The following SMC3 variants were observed in gnomAD, a reference collection of about 807,000 sequenced individuals.
SMC3 encodes structural maintenance of chromosomes protein 3.
SMC3 carries 20 observed loss-of-function variants against 171.8 expected under a neutral mutation model. The ratio of observed to expected loss-of-function variants is 0.12; its 90% CI spans 0.08 to 0.17. SMC3 has a LOEUF of 0.17. Among genes scored for constraint, SMC3 ranks in the 10% least tolerant of loss-of-function variants. SMC3 has a pLI of 1.00. For synonymous variants in SMC3, 464 were observed against 451.1 expected (o/e 1.03, Z -0.36); for missense variants, 543 against 1,420.4 (o/e 0.38, Z 9.93).
chr10:110,603,034 T>A, intron 27 of SMC3, 32 bp downstream of exon 27: 1 of 1,610,040 alleles, frequency 6.2e-7, no homozygotes, highest in Non-Finnish European at 8.5e-7. Context: ...GGTTTTGTAT[T>A]TAACAATAAG....
At chr10:110,578,595 T>G (rs773235384) in intron 6 of SMC3, 33 bp from the exon 7 acceptor site, 9 of 1,520,954 alleles carry the variant, frequency 5.9e-6, no homozygotes, top group Admixed American at 5.4e-5. Context: ...TTAAAATTAT[T>G]TATCGGAAAG....
chr10:110,580,786 A>G lies in SMC3; in HGVS notation c.430-118A>G, dbSNP rs1236278198. 68 of 735,774 alleles carry G rather than the reference A, an allele frequency of 9.2e-5. 1 individual carries two copies. The South Asian group carries it at 9.7e-4, about 11-fold the overall frequency. The allele number at this position is 735,774 out of a possible 1,614,324, so 45.6% of individuals were successfully genotyped here. A position where few individuals can be genotyped will look rare whatever the true frequency, so the allele number is the denominator to read the frequency against. On this transcript the variant is annotated intron_variant, in intron 7 of 28. Coordinates refer to ENST00000361804, the MANE Select transcript of SMC3 (RefSeq NM_005445.4). The stretch of plus-strand genomic sequence containing the variant: ...AAAATCTGTAACACTTCTGGTTTCT[A>G]ACCATTTTGCATAAGGGATACCCAA...
In SMC3 at chr10:110,582,082, G is replaced by A. The variant is rs587784429; in HGVS notation, c.707G>A (p.Arg236His). ...TACAATCAGGAACTTAACGAGACTC[G>A]TGCCAAACTTGATGAGGTAAAATAT... ...TIYNQELNET[R>H]AKLDELSAKR... Residue 236 changes from arginine to histidine, a missense_variant, in exon 9 of 29, where the codon CGT (arginine) becomes CAT (histidine). By Grantham distance (29) the Arg-to-His change is conservative (BLOSUM62 0). Coordinates refer to ENST00000361804, the MANE Select transcript of SMC3 (RefSeq NM_005445.4). 10 of 1,613,404 alleles carry A rather than the reference G, an allele frequency of 6.2e-6. No individual in the cohort carries two copies. The highest frequency in any genetic ancestry group is 8.5e-6 in the Non-Finnish European group (10 of 1,179,610).
intron 7 of SMC3, among the ~76,000 whole-genome samples, chr10:110,579,995 C>T (rs1861008648): frequency 6.6e-6 from 1 of 151,830 alleles, no homozygotes; most frequent in Non-Finnish European, 1.5e-5. Context: ...TCTGTAGGTT[C>T]CACATCTGCA....
intron 1 of SMC3, 68 bp from the exon 2 acceptor site, chr10:110,568,870 G>T (rs1590546161): frequency 2.2e-6 from 2 of 908,630 alleles, no homozygotes; most frequent in East Asian, 4.8e-5. Context: ...AAACAAGAAA[G>T]AAATGCAAGA....
intron 13 of SMC3, among the ~76,000 whole-genome samples, chr10:110,585,348 G>A (rs1457453406): frequency 6.8e-6 from 1 of 147,780 alleles, no homozygotes; most frequent in Non-Finnish European, 1.5e-5. Flanking sequence ...GGAGTGCAGT[G>A]GCATGATCTC....
intron 18 of SMC3, 112 bp from the exon 19 acceptor site, chr10:110,596,286 C>T (rs2134745093): frequency 1.1e-6 from 1 of 897,456 alleles, no homozygotes; most frequent in Non-Finnish European, 1.6e-6. Context: ...GTTTAAATTA[C>T]TTTCAATTCT....
rs1861447849 is a variant in SMC3 at position 110,605,046 on chromosome 10, C to A, written c.*744C>A. Among the ~76,000 whole-genome samples the A allele has an allele frequency of 6.6e-6, 1 of 151,966 alleles. No homozygotes were observed. The highest frequency in any genetic ancestry group is 6.6e-5 in the Admixed American group (1 of 15,254). On this transcript the variant is annotated 3_prime_UTR_variant, in exon 29 of 29. Transcript: ENST00000361804. ...ATATTCACATATTTTGTAGAATGTC[C>A]CTCAAATTAGGTTTGTCTAATATTT...
chr10:110,577,371 A>G, intron 4 of SMC3, 50 bp from the exon 5 acceptor site: 1 of 1,331,386 alleles, frequency 7.5e-7, no homozygotes, highest in Non-Finnish European at 1.1e-6. Context: ...CCTTTAAAGG[A>G]TATGAATATA....
At position 110,599,799 on chromosome 10, in the gene SMC3, G is replaced by A. The variant is rs1861358585; in HGVS notation, c.2414G>A (p.Arg805His). 1 of 1,614,026 alleles carries A rather than the reference G, an allele frequency of 6.2e-7. No homozygotes were observed. Among genetic ancestry groups the A allele is most frequent in the Non-Finnish European group, 8.5e-7 (1 of 1,179,976 alleles). ...GTAGATGCACTGAATGATGAGATTCGTCAACTTCAGCAGGTAAGTAGACAG... is the reference window on the plus strand; with the variant it reads ...GTAGATGCACTGAATGATGAGATTCATCAACTTCAGCAGGTAAGTAGACAG... ...KRVDALNDEI[R>H]QLQQENRQLL... The change falls in exon 21 of 29, where the codon CGT becomes CAT. Residue 805 changes from arginine to histidine, a missense_variant. Arg to His is a conservative substitution (Grantham distance 29). Around this residue, in one of 8 missense-constraint regions of SMC3, gnomAD observed 218 missense variants for 509.6 expected, o/e 0.43. Coordinates refer to ENST00000361804, the MANE Select transcript of SMC3 (RefSeq NM_005445.4).
At chr10:110,583,741 G>A (rs1189372935) in intron 11 of SMC3, 100 bp from the exon 12 acceptor site, 7 of 1,342,144 alleles carry the variant, frequency 5.2e-6, no homozygotes, top group Non-Finnish European at 4.2e-6. Context: ...CATGTTACAG[G>A]TGGGTTTTCT....
Position 110,601,817 on chromosome 10 carries a change from A to G in SMC3, c.2825A>G (p.Lys942Arg). The change falls in exon 24 of 29, where the codon AAA (lysine) becomes AGA (arginine). Residue 942 changes from lysine to arginine, a missense_variant. Coordinates refer to ENST00000361804, the MANE Select transcript of SMC3 (RefSeq NM_005445.4). ...AAGAAGAAAGAAGAGTGTATGAAGA[A>G]AATTCGAGAACTTGGATCACTTCCC... ...LLKKKEECMKKIRELGSLPQE... is the reference protein window; with the variant it reads ...LLKKKEECMKRIRELGSLPQE... 1 of 1,613,952 alleles carries G rather than the reference A, an allele frequency of 6.2e-7. No individual in the cohort carries two copies. The highest frequency in any genetic ancestry group is 1.1e-5 in the South Asian group (1 of 91,080).
Position 110,584,371 on chromosome 10 carries a change from A to G in SMC3, c.1280A>G (p.Lys427Arg), listed in dbSNP as rs142524280. The G allele has an allele frequency of 3.8e-4, 611 of 1,613,464 alleles. No homozygotes were observed. Among genetic ancestry groups the G allele is most frequent in the Admixed American group, 4.7e-4 (28 of 59,972 alleles). ...GATTTGGAAGACACTGAAGCAAATA[A>G]AGAGAAAAATCTGGAGCAGTATAAT... ...HKDLEDTEAN[K>R]EKNLEQYNKL... Residue 427 changes from lysine (K) to arginine (R), a missense_variant, in exon 13 of 29, where the codon AAA becomes AGA. Coordinates refer to ENST00000361804, the MANE Select transcript of SMC3 (RefSeq NM_005445.4).
intron 12 of SMC3, 38 bp from the exon 13 acceptor site, chr10:110,584,145 A>G (rs1296436831): frequency 1.3e-6 from 2 of 1,586,708 alleles, no homozygotes; most frequent in Non-Finnish European, 1.7e-6. Flanking sequence ...CTTGGTTATT[A>G]TTCTCCTTTT....
chr10:110,596,639 A>G (rs997809892), intron 19 of SMC3, 89 bp downstream of exon 19: 3 of 1,270,420 alleles, frequency 2.4e-6, no homozygotes, highest in Admixed American at 2.4e-5. Flanking sequence ...TTTTTCACAT[A>G]TTAAAAATTT....
At chr10:110,584,712 A>G (rs1394342228) in intron 13 of SMC3, among the ~76,000 whole-genome samples, 1 of 152,176 alleles carries the variant, frequency 6.6e-6, no homozygotes. Context: ...TGCAGCCTCC[A>G]CCTTCCAGGC....
chr10:110,589,589 A>G lies in SMC3; in HGVS notation c.1306-16A>G, dbSNP rs1302674793. ...TTTCATGAAATTGAATTTTAAATTT[A>G]TTTTTATTTCCATAGAAACTGGACC... On this transcript the variant is annotated splice_polypyrimidine_tract_variant and intron_variant, in intron 13 of 28. Coordinates refer to ENST00000361804, the MANE Select transcript of SMC3 (RefSeq NM_005445.4). The G allele has an allele frequency of 4.6e-6, 7 of 1,528,268 alleles. No homozygotes were observed. The highest frequency in any genetic ancestry group is 1.1e-5 in the South Asian group (1 of 87,418). The allele number at this position is 1,528,268 out of a possible 1,614,324, so 94.7% of individuals were successfully genotyped here. A position where few individuals can be genotyped will look rare whatever the true frequency, so the allele number is the denominator to read the frequency against.
chr10:110,584,928 AAT>A (rs1371465735), intron 13 of SMC3, among the ~76,000 whole-genome samples: 2 of 152,242 alleles, frequency 1.3e-5, no homozygotes, highest in African/African-American at 2.4e-5. Context: ...CCCAGCTTAA[AAT>A]ATGTTTTTAT....
At position 110,584,177 on chromosome 10, in the gene SMC3, G is replaced by C; in HGVS notation, c.1092-6G>C. The C allele has an allele frequency of 1.2e-6, 2 of 1,613,388 alleles. No homozygotes were observed. The highest frequency in any genetic ancestry group is 1.7e-6 in the Non-Finnish European group (2 of 1,179,430). ...TTTTCATCCCATTTGCTTCTATTTT[G>C]TGTAGATTGGCTCAAGCTACCCAGG... On this transcript the variant is annotated splice_polypyrimidine_tract_variant and splice_region_variant and intron_variant, in intron 12 of 28. Transcript: ENST00000361804.
Sources: gnomAD v4.1 joint callset for allele counts (sites outside exome capture counted in the v4.1 genomes callset) on GRCh38, gnomAD v4.1.1 for gene constraint, gnomAD v4.1.1 regional missense constraint, MANE v1.5 for transcripts, NCBI Gene and HGNC (gene_info 2026-07-23, HGNC 2026-07-21) for gene names.